Variants in CAPS2 observed in about 807,000 individuals in gnomAD.
The protein encoded by CAPS2 is calcyphosine 2, also known as calcyphosin-2.
In CAPS2, 98 loss-of-function variants were observed where a neutral mutation model predicts 86.5. The ratio of observed to expected loss-of-function variants is 1.13; its 90% CI spans 0.96 to 1.34. The LOEUF (loss-of-function observed/expected upper bound fraction) is 1.34, where lower values mean the gene tolerates loss of function less well. Among genes scored for constraint, CAPS2 ranks in the 40% most tolerant of loss-of-function variants. The pLI, the probability that CAPS2 is intolerant of heterozygous loss-of-function variation, is 0.00. For missense variants in CAPS2, 729 were observed against 686.8 expected (o/e 1.06, Z -0.69); for synonymous variants, 210 against 225.1 (o/e 0.93, Z 0.60).
chr12:75,334,684 T>C (rs913766050), upstream of CAPS2: 4 of 1,585,674 alleles, frequency 2.5e-6, no homozygotes, highest in African/African-American at 4.0e-5. Context: ...CAGCCGTTAC[T>C]GGTCCGCGCA....
chr12:75,358,894 ATATAAT>A, intron 1 of CAPS2, among the ~76,000 whole-genome samples: 1 of 143,872 alleles, frequency 7.0e-6, no homozygotes, highest in East Asian at 2.0e-4. Context: ...TATATATTAC[ATATAAT>A]TATATATTAT....
At chr12:75,319,767 G>C (rs2040123841) in intron 5 of CAPS2, among the ~76,000 whole-genome samples, 2 of 152,104 alleles carry the variant, frequency 1.3e-5, no homozygotes, top group African/African-American at 4.8e-5. Flanking sequence ...CCAGTAAAGA[G>C]AATCAATTTA....
At chr12:75,364,556 T>C (rs2043837207) in intron 1 of CAPS2, among the ~76,000 whole-genome samples, 1 of 152,190 alleles carries the variant, frequency 6.6e-6, no homozygotes, top group South Asian at 2.1e-4. Context: ...TAGACAGGCA[T>C]TCATTAACTG....
chr12:75,293,251 G>C lies in CAPS2; in HGVS notation c.1161C>G (p.Leu387=), dbSNP rs546444773. Residue 387 remains leucine, a splice_region_variant and synonymous_variant, in exon 12 of 17, where the codon CTC becomes CTG. Transcript: ENST00000393284. Reference sequence around the variant, plus strand: ...TGCCAAATGCATATTTAACTTACTTGAGAGAATCCAAAGCTATTTGATCAA... The same window carrying C: ...TGCCAAATGCATATTTAACTTACTTCAGAGAATCCAAAGCTATTTGATCAA... 8.3e-6 allele frequency: 13 copies of C among 1,567,288 alleles called. No individual in the cohort carries two copies. In the East Asian group the frequency reaches 2.5e-4, roughly 30 times the overall value.
rs573159944 is a variant in CAPS2, at chr12:75,319,590, T to C, written c.468+1810A>G. 7.2e-5 allele frequency among the ~76,000 whole-genome samples: 11 copies of C among 152,286 alleles called. No homozygotes were observed. In the South Asian group the frequency reaches 2.3e-3, roughly 32 times the overall value. On this transcript the variant is annotated intron_variant, in intron 5 of 16. Transcript: ENST00000393284. ...ACATTACCCAGCCTCGGGTATTTCT[T>C]TATAGCAACACAAAATGAACGAAGA...
At chr12:75,299,748 T>A (rs1053970688) in intron 9 of CAPS2, 89 bp downstream of exon 9, 16 of 587,230 alleles carry the variant, frequency 2.7e-5, no homozygotes, top group Non-Finnish European at 4.5e-5. Context: ...GACACAAACC[T>A]ATATAATCTC....
At chr12:75,306,031 A>C (rs1232274982) in intron 7 of CAPS2, 1 of 1,471,860 alleles carries the variant, frequency 6.8e-7, no homozygotes, top group Non-Finnish European at 9.3e-7. Flanking sequence ...TTCTACTTGA[A>C]GGGCCGCGGC....
upstream of CAPS2, chr12:75,330,130 G>C: frequency 2.9e-6 from 1 of 347,500 alleles, no homozygotes; most frequent in Non-Finnish European, 5.2e-6. Context: ...CGAAAAGGTC[G>C]TCGGCCCAAG....
At chr12:75,284,831 T>G in intron 15 of CAPS2, 130 bp downstream of exon 15, 1 of 798,834 alleles carries the variant, frequency 1.3e-6, no homozygotes, top group Non-Finnish European at 1.8e-6. Context: ...ACCTGTTTTC[T>G]GTTTTACTAA....
intron 1 of CAPS2, among the ~76,000 whole-genome samples, chr12:75,359,184 AT>A (rs1303796001): frequency 6.6e-6 from 1 of 150,784 alleles, no homozygotes; most frequent in African/African-American, 2.4e-5. Context: ...TTGAATGAAA[AT>A]AACATCATTT....
intron 7 of CAPS2, 121 bp from the exon 8 acceptor site, chr12:75,304,997 A>G (rs1351496751): frequency 1.6e-6 from 1 of 621,734 alleles, no homozygotes; most frequent in Non-Finnish European, 2.5e-6. Flanking sequence ...CACTGTCAGA[A>G]TATTTTTATT....
intron 1 of CAPS2, among the ~76,000 whole-genome samples, chr12:75,385,277 G>A (rs2045230666): frequency 6.6e-6 from 1 of 151,956 alleles, no homozygotes; most frequent in Admixed American, 6.6e-5. Flanking sequence ...CTAAGACATA[G>A]GTATACAAGC....
intron 7 of CAPS2, chr12:75,305,686 G>C (rs762494208): frequency 9.1e-6 from 6 of 657,604 alleles, no homozygotes; most frequent in East Asian, 3.5e-5. Context: ...AGTCTGGCCC[G>C]GCACAGCTGC....
At chr12:75,313,311 T>A (rs546139831) in intron 6 of CAPS2, among the ~76,000 whole-genome samples, 1 of 152,236 alleles carries the variant, frequency 6.6e-6, no homozygotes, top group South Asian at 2.1e-4. Context: ...TGACACAAAA[T>A]AAGCTTCGTC....
At chr12:75,298,644 C>T in intron 11 of CAPS2, 43 bp downstream of exon 11, 1 of 1,502,138 alleles carries the variant, frequency 6.7e-7, no homozygotes, top group Non-Finnish European at 9.3e-7. Context: ...CCACAAAATC[C>T]ACCATCTGGT....
At chr12:75,293,005 A>C (rs963427903) in intron 12 of CAPS2, among the ~76,000 whole-genome samples, 6 of 152,056 alleles carry the variant, frequency 3.9e-5, no homozygotes, top group African/African-American at 1.4e-4. Context: ...AGGCAAATTA[A>C]TAAGGTATCT....
chr12:75,375,417 C>T (rs1030990174), intron 1 of CAPS2, among the ~76,000 whole-genome samples: 3 of 152,132 alleles, frequency 2.0e-5, no homozygotes, highest in Non-Finnish European at 4.4e-5. Flanking sequence ...TCCCCTTTCC[C>T]CAGTGCATAG....
At chr12:75,389,803 A>G (rs1042689065) in intron 1 of CAPS2, among the ~76,000 whole-genome samples, 5 of 152,116 alleles carry the variant, frequency 3.3e-5, no homozygotes, top group African/African-American at 1.2e-4. Context: ...TTGGCTTTGT[A>G]TTTATCACGT....
chr12:75,341,505 G>A (rs187061125), intron 1 of CAPS2, among the ~76,000 whole-genome samples: 2 of 152,024 alleles, frequency 1.3e-5, no homozygotes, highest in African/African-American at 4.8e-5. Flanking sequence ...GGAATGCAGT[G>A]GCGCTGTCTC....
Sources: gnomAD v4.1 joint callset for allele counts (sites outside exome capture counted in the v4.1 genomes callset) on GRCh38, gnomAD v4.1.1 for gene constraint, MANE v1.5 for transcripts, NCBI Gene and HGNC (gene_info 2026-07-23, HGNC 2026-07-21) for gene names.